The following PDE7A variants were observed in gnomAD, a reference collection of about 807,000 sequenced individuals.
The protein encoded by PDE7A is high affinity 3',5'-cyclic-AMP phosphodiesterase 7A.
PDE7A carries 39 observed loss-of-function variants against 64.3 expected under a neutral mutation model. The observed-to-expected ratio is 0.61, with a 90% CI of 0.47 to 0.79. PDE7A has a LOEUF of 0.79. Among genes scored for constraint, PDE7A ranks in the 30% least tolerant of loss-of-function variants. The pLI, the probability that PDE7A is intolerant of heterozygous loss-of-function variation, is 0.00. For synonymous variants in PDE7A, 203 were observed against 206.8 expected, an observed-to-expected ratio of 0.98 and a Z score of 0.16; for missense variants, 470 against 582.8, an observed-to-expected ratio of 0.81 and a Z score of 1.99.
At chr8:65,795,765 A>T (rs1049073429) in intron 1 of PDE7A, among the ~76,000 whole-genome samples, 3 of 152,190 alleles carry the variant, frequency 2.0e-5, no homozygotes, top group African/African-American at 7.2e-5. Context: ...TCTTTAAAAG[A>T]TGACAAATCA....
chr8:65,794,686 T>C (rs1018948102), intron 1 of PDE7A, among the ~76,000 whole-genome samples: 1 of 152,154 alleles, frequency 6.6e-6, no homozygotes, highest in Non-Finnish European at 1.5e-5. Context: ...TCTCCACATA[T>C]AACATTGCAA....
intron 3 of PDE7A, among the ~76,000 whole-genome samples, chr8:65,750,200 T>A (rs551846403): frequency 1.9e-4 from 29 of 152,298 alleles, no homozygotes; most frequent in Non-Finnish European, 2.6e-4. Context: ...TACAAATATA[T>A]CCTTAGAAAC....
chr8:65,836,780 C>T (rs185302629), intron 1 of PDE7A, among the ~76,000 whole-genome samples: 3 of 152,284 alleles, frequency 2.0e-5, no homozygotes, highest in Non-Finnish European at 2.9e-5. Flanking sequence ...GTCATACTAG[C>T]CACATTTCAA....
At chr8:65,756,582 T>A (rs1307259898) in intron 3 of PDE7A, among the ~76,000 whole-genome samples, 2 of 152,198 alleles carry the variant, frequency 1.3e-5, no homozygotes, top group Non-Finnish European at 2.9e-5. Flanking sequence ...AATTTCTGTT[T>A]GGTTCCTTTT....
At chr8:65,732,795 G>A (rs529932810) in intron 7 of PDE7A, among the ~76,000 whole-genome samples, 2 of 152,322 alleles carry the variant, frequency 1.3e-5, no homozygotes, top group South Asian at 4.1e-4. Context: ...TTACAGGCAT[G>A]AGCCACCGCA....
At chr8:65,839,440 A>T (rs989485484) in intron 1 of PDE7A, among the ~76,000 whole-genome samples, 6 of 152,072 alleles carry the variant, frequency 3.9e-5, no homozygotes, top group African/African-American at 1.4e-4. Context: ...AGGCCTAAAG[A>T]AATCAATATC....
intron 5 of PDE7A, among the ~76,000 whole-genome samples, chr8:65,739,808 C>G (rs950271476): frequency 1.3e-5 from 2 of 152,106 alleles, no homozygotes; most frequent in African/African-American, 4.8e-5. Flanking sequence ...TGTTGTTTTA[C>G]TTTTCCACAA....
chr8:65,813,870 C>A (rs1331227347), intron 1 of PDE7A, among the ~76,000 whole-genome samples: 2 of 152,216 alleles, frequency 1.3e-5, no homozygotes, highest in Non-Finnish European at 2.9e-5. Flanking sequence ...TGATAATTTT[C>A]TCTTCTTCAA....
intron 1 of PDE7A, among the ~76,000 whole-genome samples, chr8:65,796,711 T>C (rs1809853439): frequency 6.6e-6 from 1 of 152,062 alleles, no homozygotes; most frequent in South Asian, 2.1e-4. Flanking sequence ...ATAAAGGACA[T>C]CTATTAAAAA....
Position 65,841,546 on chromosome 8 carries a change from T to A in PDE7A, c.-38A>T, listed in dbSNP as rs1485461793. On this transcript the variant is annotated 5_prime_UTR_variant, in exon 1 of 13. Transcript: ENST00000401827. The stretch of plus-strand genomic sequence containing the variant: ...CCCTGCCTCCGCGCGGCGCCCGCCC[T>A]GCCGCGGCCGCCGGCCCCTGCAGTG... The A allele has an allele frequency of 8.9e-6, 12 of 1,354,158 alleles. No individual in the cohort carries two copies. The highest frequency in any genetic ancestry group is 3.5e-5 in the South Asian group (2 of 57,008). 83.9% of individuals were successfully genotyped at this position (1,354,158 alleles called of 1,614,324 possible).
Position 65,715,815 on chromosome 8 carries a change from C to T in PDE7A, c.*3475G>A, listed in dbSNP as rs184956886. Among the ~76,000 whole-genome samples the T allele has an allele frequency of 7.7e-3, 1,150 of 150,060 alleles. 6 individuals are homozygous for T. The highest frequency in any genetic ancestry group is 0.025 in the African/African-American group (1,038 of 41,140). Reference sequence around the variant, plus strand: ...CCTGGCTAACATGGTGAAACCCTAACTCTACTAATAAAGTACAAAAAAATT... The same window carrying T: ...CCTGGCTAACATGGTGAAACCCTAATTCTACTAATAAAGTACAAAAAAATT... On this transcript the variant is annotated 3_prime_UTR_variant, in exon 13 of 13. Coordinates refer to ENST00000401827, the MANE Select transcript of PDE7A (RefSeq NM_001242318.3).
intron 3 of PDE7A, among the ~76,000 whole-genome samples, chr8:65,773,776 C>A (rs147595043): frequency 4.6e-5 from 7 of 152,228 alleles, no homozygotes; most frequent in African/African-American, 1.4e-4. Context: ...ATACTTCTAA[C>A]AATCTAATCA....
chr8:65,802,508 G>A (rs558466275), intron 1 of PDE7A, among the ~76,000 whole-genome samples: 3 of 152,308 alleles, frequency 2.0e-5, no homozygotes, highest in Admixed American at 6.5e-5. Context: ...TTCAAATCCA[G>A]TGTTTACTCT....
At chr8:65,762,727 A>G (rs571554227) in intron 3 of PDE7A, among the ~76,000 whole-genome samples, 105 of 152,324 alleles carry the variant, frequency 6.9e-4, no homozygotes, top group African/African-American at 2.3e-3. Flanking sequence ...TTTTTTTAAC[A>G]AAACCAGATT....
chr8:65,769,659 G>A (rs968411535), intron 3 of PDE7A, among the ~76,000 whole-genome samples: 2 of 152,180 alleles, frequency 1.3e-5, no homozygotes, highest in Admixed American at 1.3e-4. Context: ...ACTTTGGGAG[G>A]CTGACGCAGG....
Position 65,836,684 on chromosome 8 carries a change from T to C in PDE7A, c.138+4687A>G, listed in dbSNP as rs193072012. On this transcript the variant is annotated intron_variant, in intron 1 of 12. Coordinates refer to ENST00000401827, the MANE Select transcript of PDE7A (RefSeq NM_001242318.3). ...TTAACATGACTTCACTCTAGTTTATTGACAATACCTCTGCTCTGCCAATTG... is the reference window on the plus strand; with the variant it reads ...TTAACATGACTTCACTCTAGTTTATCGACAATACCTCTGCTCTGCCAATTG... 5.5e-4 allele frequency among the ~76,000 whole-genome samples: 84 copies of C among 152,344 alleles called. No individual in the cohort carries two copies. The Middle Eastern group carries it at 0.02, about 37-fold the overall frequency.
intron 6 of PDE7A, 44 bp from the exon 7 acceptor site, chr8:65,734,938 CATAT>C (rs757060749): frequency 2.5e-6 from 3 of 1,180,708 alleles, no homozygotes; most frequent in African/African-American, 3.0e-5. Context: ...ATATGAGCAA[CATAT>C]ACAAGGACAA....
chr8:65,816,976 G>A (rs1193733121), intron 1 of PDE7A, among the ~76,000 whole-genome samples: 1 of 152,144 alleles, frequency 6.6e-6, no homozygotes, highest in Non-Finnish European at 1.5e-5. Flanking sequence ...GTTTTTCACA[G>A]ATTTCTGAGC....
chr8:65,774,332 A>G lies in PDE7A; in HGVS notation c.283+5388T>C, dbSNP rs140366723. Among the ~76,000 whole-genome samples, 249 of 152,332 alleles carry G rather than the reference A, an allele frequency of 1.6e-3. 3 individuals carry two copies. Among genetic ancestry groups the G allele is most frequent in the Admixed American group, 0.014 (216 of 15,302 alleles). ...TATAGTGAGAATATTATAAAAAGTT[A>G]TATTTGCTTTATAAAATTACTCTGA... On this transcript the variant is annotated intron_variant, in intron 3 of 12. Transcript: ENST00000401827.
Sources: allele counts gnomAD v4.1 joint callset (sites outside exome capture counted in the v4.1 genomes callset), GRCh38; gene constraint gnomAD v4.1.1; transcripts MANE v1.5; gene names NCBI Gene and HGNC (gene_info 2026-07-23, HGNC 2026-07-21).